The following SYNPR variants were observed in gnomAD, a reference collection of about 807,000 sequenced individuals.
SYNPR encodes the protein synaptoporin.
SYNPR carries 23 observed loss-of-function variants against 32.9 expected under a neutral mutation model. That is an observed-to-expected ratio of 0.70 (90% CI 0.50 to 0.99). The LOEUF is 0.99. SYNPR is among the 50% of genes least tolerant of loss of function. SYNPR has a pLI of 0.00. For synonymous variants in SYNPR, 146 were observed against 135.9 expected (o/e 1.07, Z -0.52); for missense variants, 318 against 349.3 (o/e 0.91, Z 0.71).
chr3:63,606,417 CTTTTTTTTT>C (rs61299069), intron 4 of SYNPR, among the ~76,000 whole-genome samples: 2 of 68,300 alleles, frequency 2.9e-5, no homozygotes, highest in Non-Finnish European at 5.7e-5. Flanking sequence ...CAAATCCTTT[CTTTTTTTTT>C]TTTTTTTTTT....
At chr3:63,200,706 A>G in the SYNPR span, among the ~76,000 whole-genome samples, 2 of 151,702 alleles carry the variant, frequency 1.3e-5, no homozygotes, top group African/African-American at 4.8e-5. Flanking sequence ...TAATTTCTCA[A>G]TCTTTCCCTA....
At chr3:63,355,225 G>A (rs538541798) in intron 2 of SYNPR, among the ~76,000 whole-genome samples, 2 of 150,760 alleles carry the variant, frequency 1.3e-5, no homozygotes, top group African/African-American at 4.9e-5. Context: ...GTTGCGGTGA[G>A]CCAAGATCAT....
At chr3:63,449,052 G>A (rs988353419) in intron 2 of SYNPR, among the ~76,000 whole-genome samples, 2 of 152,134 alleles carry the variant, frequency 1.3e-5, no homozygotes, top group Non-Finnish European at 2.9e-5. Context: ...TTATTGCTTC[G>A]AGGCATTCTC....
chr3:63,408,380 G>GAAAGAAAGAAAGA lies in SYNPR; in HGVS notation c.85-72449_85-72448insGAAAGAAAGAAAA, dbSNP rs1560221346. ...AGAAAGAAAGAAAGAAAGAAAGAAA[G>GAAAGAAAGAAAGA]AAAAGGAAGGAAGGCTTGTTATGGG... On this transcript the variant is annotated intron_variant, in intron 2 of 5. Coordinates refer to ENST00000478300, the MANE Select transcript of SYNPR (RefSeq NM_001130003.2). Among the ~76,000 whole-genome samples, 20 of 148,490 alleles carry GAAAGAAAGAAAGA rather than the reference G, an allele frequency of 1.3e-4. 1 individual carries two copies. The highest frequency in any genetic ancestry group is 5.0e-4 in the African/African-American group (20 of 39,846).
chr3:63,441,678 G>C, intron 2 of SYNPR, among the ~76,000 whole-genome samples: 1 of 152,172 alleles, frequency 6.6e-6, no homozygotes, highest in Non-Finnish European at 1.5e-5. Context: ...AGCAGGTGAG[G>C]GGTGGCCACA....
At chr3:63,338,098 G>A (rs573186572) in intron 2 of SYNPR, among the ~76,000 whole-genome samples, 7 of 152,164 alleles carry the variant, frequency 4.6e-5, no homozygotes, top group South Asian at 4.1e-4. Context: ...AGGAGAAACC[G>A]TGTGTTTGGG....
chr3:63,277,412 T>A (rs553504913), upstream of SYNPR, among the ~76,000 whole-genome samples: 16 of 152,226 alleles, frequency 1.1e-4, no homozygotes, highest in South Asian at 3.3e-3. Flanking sequence ...TGAACCACCT[T>A]TCACTAAGTT....
chr3:63,426,874 T>C (rs984498640), intron 2 of SYNPR: 1 of 152,232 alleles, frequency 6.6e-6, no homozygotes, highest in Non-Finnish European at 1.5e-5. Context: ...ATTTCTTTTT[T>C]TGTCTCAGCA....
At chr3:63,374,424 G>T (rs1021553669) in intron 2 of SYNPR, among the ~76,000 whole-genome samples, 1 of 151,970 alleles carries the variant, frequency 6.6e-6, no homozygotes, top group Admixed American at 6.6e-5. Flanking sequence ...CAGACACCAT[G>T]GTATACTTGA....
chr3:63,300,671 T>C (rs1187561187), intron 2 of SYNPR, among the ~76,000 whole-genome samples: 1 of 152,112 alleles, frequency 6.6e-6, no homozygotes, highest in Non-Finnish European at 1.5e-5. Context: ...AACAGTCTAA[T>C]ACTGGGATAC....
intron 2 of SYNPR, among the ~76,000 whole-genome samples, chr3:63,434,250 C>T (rs987102259): frequency 6.6e-6 from 1 of 152,130 alleles, no homozygotes; most frequent in Non-Finnish European, 1.5e-5. Context: ...GAAAGAAAAA[C>T]CAGAAAGCCA....
At chr3:63,599,641 G>A (rs557764473) in intron 4 of SYNPR, among the ~76,000 whole-genome samples, 4 of 152,148 alleles carry the variant, frequency 2.6e-5, no homozygotes, top group South Asian at 2.1e-4. Context: ...TATCCCTGTC[G>A]GTTAAGTGAC....
chr3:63,282,774 G>C (rs1442893476), intron 2 of SYNPR, among the ~76,000 whole-genome samples: 1 of 151,728 alleles, frequency 6.6e-6, no homozygotes, highest in Non-Finnish European at 1.5e-5. Flanking sequence ...TGTTAAGTGA[G>C]AAAACATAAG....
intron 2 of SYNPR, among the ~76,000 whole-genome samples, chr3:63,336,472 G>T (rs1329005629): frequency 8.9e-6 from 1 of 112,632 alleles, no homozygotes; most frequent in Admixed American, 1.1e-4. Flanking sequence ...ATGGAGAAAA[G>T]ATAATCTTTT....
intron 2 of SYNPR, among the ~76,000 whole-genome samples, chr3:63,385,806 G>A (rs1169279001): frequency 6.6e-6 from 1 of 152,200 alleles, no homozygotes; most frequent in East Asian, 1.9e-4. Context: ...TTACGCTTCT[G>A]ATGATGGGGG....
intron 2 of SYNPR, among the ~76,000 whole-genome samples, chr3:63,329,564 T>C (rs1479513074): frequency 6.6e-6 from 1 of 152,214 alleles, no homozygotes; most frequent in Admixed American, 6.5e-5. Context: ...AATACATTTC[T>C]TGAGGAGAGG....
chr3:63,354,723 T>C (rs1359951749), intron 2 of SYNPR, among the ~76,000 whole-genome samples: 1 of 152,210 alleles, frequency 6.6e-6, no homozygotes, highest in African/African-American at 2.4e-5. Context: ...TATCAACTCT[T>C]GCTTTTCATC....
intron 2 of SYNPR, among the ~76,000 whole-genome samples, chr3:63,471,299 T>C (rs1700791343): frequency 6.6e-6 from 1 of 152,196 alleles, no homozygotes; most frequent in South Asian, 2.1e-4. Context: ...ACAATACTTC[T>C]CAGTGCCTCC....
chr3:63,516,208 C>T (rs982750262), intron 3 of SYNPR, among the ~76,000 whole-genome samples: 1 of 152,134 alleles, frequency 6.6e-6, no homozygotes, highest in Non-Finnish European at 1.5e-5. Flanking sequence ...TGCTGCCCAT[C>T]ATGGTTTTGG....
Sources: gnomAD v4.1 joint callset for allele counts (sites outside exome capture counted in the v4.1 genomes callset) on GRCh38, gnomAD v4.1.1 for gene constraint, MANE v1.5 for transcripts, NCBI Gene and HGNC (gene_info 2026-07-23, HGNC 2026-07-21) for gene names.